ACSM4: variants seen among roughly 807,000 people sequenced by gnomAD.
The protein encoded by ACSM4 is acyl-coenzyme A synthetase ACSM4, mitochondrial.
Under a neutral mutation model 73.0 loss-of-function variants are expected in ACSM4, and 66 were observed. The ratio of observed to expected loss-of-function variants is 0.90; its 90% CI spans 0.74 to 1.11. The LOEUF (loss-of-function observed/expected upper bound fraction) is 1.11. ACSM4 is among the 50% of genes least tolerant of loss of function. The pLI is 0.00. For synonymous variants in ACSM4, 222 were observed against 254.0 expected, an observed-to-expected ratio of 0.87 and a Z score of 1.20; for missense variants, 645 against 714.4, an observed-to-expected ratio of 0.90 and a Z score of 1.11.
chr12:7,307,320 G>A (rs892962934), intron 2 of ACSM4, among the ~76,000 whole-genome samples: 1 of 152,144 alleles, frequency 6.6e-6, no homozygotes, highest in Non-Finnish European at 1.5e-5. Flanking sequence ...TTCAGTCACA[G>A]CTAGAAAGCT....
intron 5 of ACSM4, among the ~76,000 whole-genome samples, 155 bp from the exon 6 acceptor site, chr12:7,320,570 C>G (rs1418020254): frequency 6.6e-6 from 1 of 152,210 alleles, no homozygotes; most frequent in Admixed American, 6.5e-5. Context: ...TATACAGTCA[C>G]TAGTGACAAG....
chr12:7,313,495 A>T (rs778790916), intron 3 of ACSM4, among the ~76,000 whole-genome samples: 1 of 152,318 alleles, frequency 6.6e-6, no homozygotes, highest in Non-Finnish European at 1.5e-5. Context: ...CTTTTATTCA[A>T]TAAGTTCATT....
rs1390022563 is a variant in ACSM4, at chr12:7,317,263, G to T, written c.747G>T (p.Gly249=). ...AQHSQSSLGI[G]FTLCGRYWLD... ...ACTCTCAGAGCAGCCTCGGCATTGG[G>T]TTCACCCTCTGCGGAAGGTAGGGAA... Residue 249 remains glycine, a synonymous_variant, in exon 4 of 13, where the codon GGG becomes GGT. Transcript: ENST00000399422. 1.9e-6 allele frequency: 3 copies of T among 1,579,782 alleles called. No homozygotes were observed. Among genetic ancestry groups the T allele is most frequent in the Middle Eastern group, 1.7e-4 (1 of 6,002 alleles).
chr12:7,321,160 A>G (rs975136346), intron 6 of ACSM4, among the ~76,000 whole-genome samples: 4 of 152,206 alleles, frequency 2.6e-5, no homozygotes, highest in Admixed American at 1.3e-4. Flanking sequence ...AGACCTCTGT[A>G]GTCCCAGAAC....
chr12:7,311,912 A>G (rs1352367235), intron 3 of ACSM4, among the ~76,000 whole-genome samples: 8 of 151,916 alleles, frequency 5.3e-5, no homozygotes, highest in Admixed American at 4.6e-4. Flanking sequence ...CTGGTCTCGA[A>G]CTCCTGACCT....
intron 11 of ACSM4, among the ~76,000 whole-genome samples, chr12:7,324,881 T>C (rs755074072): frequency 6.6e-6 from 1 of 152,062 alleles, no homozygotes; most frequent in South Asian, 2.1e-4. Context: ...AGTACTTAAG[T>C]ACAGCCACAT....
chr12:7,319,263 C>T (rs1249538934), intron 5 of ACSM4, among the ~76,000 whole-genome samples: 1 of 152,082 alleles, frequency 6.6e-6, no homozygotes, highest in Non-Finnish European at 1.5e-5. Flanking sequence ...CCACCATTGA[C>T]CTGACAGGAG....
chr12:7,324,715 C>A, intron 11 of ACSM4, 117 bp downstream of exon 11: 2 of 1,105,152 alleles, frequency 1.8e-6, no homozygotes, highest in South Asian at 1.5e-5. Flanking sequence ...ATGAAGCATG[C>A]ATTTGGCCAA....
chr12:7,322,421 T>G lies in ACSM4; in HGVS notation c.1005T>G (p.Tyr335Ter). 1 of 1,613,704 alleles carries G rather than the reference T, an allele frequency of 6.2e-7. No homozygotes were observed. The highest frequency in any genetic ancestry group is 8.5e-7 in the Non-Finnish European group (1 of 1,179,802). Residue 335 changes from tyrosine to a stop codon, truncating the protein, a stop_gained, in exon 7 of 13, where the codon TAT (tyrosine) becomes TAG (stop). Transcript: ENST00000399422. LOFTEE classifies it high-confidence loss of function. ...RMLVQKDLKR[Y>*]KFKSLRHCLT... ...CCATGCAACTCTGTCTCTCCAGATA[T>G]AAATTCAAGAGTCTGCGGCACTGCT...
intron 3 of ACSM4, among the ~76,000 whole-genome samples, chr12:7,311,405 T>C (rs963379057): frequency 8.5e-5 from 13 of 152,120 alleles, no homozygotes; most frequent in Admixed American, 4.6e-4. Flanking sequence ...TTATTTCTTC[T>C]GCCTGGAGTG....
chr12:7,304,285 T>G lies in ACSM4; in HGVS notation c.-47T>G. 2 of 1,567,132 alleles carry G rather than the reference T, an allele frequency of 1.3e-6. No individual in the cohort carries two copies. Among genetic ancestry groups the G allele is most frequent in the Non-Finnish European group, 1.8e-6 (2 of 1,138,114 alleles). ...TCTCTATCCATCTCTCCCTACAGGC[T>G]GTAGTACTTCTGTGTCCATAGCAGT... On this transcript the variant is annotated 5_prime_UTR_variant, in exon 1 of 13. Coordinates refer to ENST00000399422, the MANE Select transcript of ACSM4 (RefSeq NM_001080454.2).
chr12:7,314,988 G>T (rs1241631419), intron 3 of ACSM4, among the ~76,000 whole-genome samples: 1 of 151,968 alleles, frequency 6.6e-6, no homozygotes, highest in Non-Finnish European at 1.5e-5. Flanking sequence ...ATAAGATCAG[G>T]AGTTCAAGAC....
At chr12:7,310,173 A>G (rs931277624) in intron 2 of ACSM4, among the ~76,000 whole-genome samples, 13 of 152,214 alleles carry the variant, frequency 8.5e-5, no homozygotes, top group African/African-American at 3.1e-4. Flanking sequence ...AGTACACAAT[A>G]ATGATTCAAA....
At chr12:7,326,103 A>G (rs1946502424) in intron 11 of ACSM4, among the ~76,000 whole-genome samples, 2 of 152,362 alleles carry the variant, frequency 1.3e-5, no homozygotes, top group East Asian at 3.9e-4. Flanking sequence ...GTAATTGTCT[A>G]ACTGGTGGGT....
At chr12:7,325,949 A>G (rs983905794) in intron 11 of ACSM4, among the ~76,000 whole-genome samples, 2 of 152,098 alleles carry the variant, frequency 1.3e-5, no homozygotes, top group African/African-American at 4.8e-5. Context: ...TCTACTCTCC[A>G]TCTATTCCAT....
chr12:7,310,749 G>A lies in ACSM4; in HGVS notation c.620+3G>A. The A allele has an allele frequency of 6.2e-7, 1 of 1,610,978 alleles. No individual in the cohort carries two copies. Among genetic ancestry groups the A allele is most frequent in the Non-Finnish European group, 8.5e-7 (1 of 1,178,690 alleles). On this transcript the variant is annotated splice_donor_region_variant and intron_variant, in intron 3 of 12. Coordinates refer to ENST00000399422, the MANE Select transcript of ACSM4 (RefSeq NM_001080454.2). Reference sequence around the variant, plus strand: ...CTCAGCTTCCAGGAGTTATTTCAGTGAGTATTTTTCCCAGCCAATCTACAC... The same window carrying A: ...CTCAGCTTCCAGGAGTTATTTCAGTAAGTATTTTTCCCAGCCAATCTACAC...
Position 7,317,269 on chromosome 12 carries a change from C to T in ACSM4, c.753C>T (p.Thr251=). 6.4e-7 allele frequency: 1 copy of T among 1,571,756 alleles called. No homozygotes were observed. The highest frequency in any genetic ancestry group is 8.6e-7 in the Non-Finnish European group (1 of 1,158,700). The change falls in exon 4 of 13, where the codon ACC becomes ACT. Residue 251 remains threonine (T), a synonymous_variant. Transcript: ENST00000399422. The stretch of plus-strand genomic sequence containing the variant: ...AGAGCAGCCTCGGCATTGGGTTCAC[C>T]CTCTGCGGAAGGTAGGGAAGAAAAT... The part of the protein sequence containing the change: ...HSQSSLGIGF[T]LCGRYWLDLK...
chr12:7,321,639 T>A (rs1204966861), intron 6 of ACSM4, among the ~76,000 whole-genome samples: 1 of 152,262 alleles, frequency 6.6e-6, no homozygotes, highest in East Asian at 1.9e-4. Context: ...ATTTGTATTC[T>A]ACCCACACCC....
intron 1 of ACSM4, among the ~76,000 whole-genome samples, chr12:7,304,909 G>A (rs1345354622): frequency 6.6e-6 from 1 of 152,222 alleles, no homozygotes; most frequent in African/African-American, 2.4e-5. Flanking sequence ...GTAATGAGGA[G>A]AGAATTGGAG....
Sources: gnomAD v4.1 joint callset for allele counts (sites outside exome capture counted in the v4.1 genomes callset) on GRCh38, gnomAD v4.1.1 for gene constraint, MANE v1.5 for transcripts, NCBI Gene and HGNC (gene_info 2026-07-23, HGNC 2026-07-21) for gene names.